Variants in PLCH1 observed in about 807,000 individuals in gnomAD.
PLCH1 encodes 1-phosphatidylinositol 4,5-bisphosphate phosphodiesterase eta-1.
Under a neutral mutation model 126.7 loss-of-function variants are expected in PLCH1, and 60 were observed. The ratio of observed to expected loss-of-function variants is 0.47; its 90% confidence interval spans 0.38 to 0.59. PLCH1 has a LOEUF of 0.59. PLCH1 is among the 20% of genes least tolerant of loss of function. The pLI is 0.00. For synonymous variants in PLCH1, 719 were observed against 734.9 expected (o/e 0.98, Z 0.35); for missense variants, 1,723 against 2,040.0 (o/e 0.84, Z 2.99).
chr3:155,633,702 A>C (rs1488208133), intron 2 of PLCH1, among the ~76,000 whole-genome samples: 5 of 152,186 alleles, frequency 3.3e-5, no homozygotes, highest in Admixed American at 1.3e-4. Flanking sequence ...GGGGCAGATC[A>C]CTTGAGGCCG....
intron 1 of PLCH1, chr3:155,743,760 G>A (rs1472612766): frequency 9.2e-6 from 3 of 326,858 alleles, no homozygotes; most frequent in Non-Finnish European, 1.2e-5. Context: ...CCAATAAACA[G>A]GACATGGGTG....
chr3:155,639,483 G>A (rs897373937), intron 2 of PLCH1, among the ~76,000 whole-genome samples: 1 of 151,988 alleles, frequency 6.6e-6, no homozygotes, highest in African/African-American at 2.4e-5. Context: ...AATAAGCAAT[G>A]TATATGGCAA....
chr3:155,489,973 A>G (rs1326062896), intron 19 of PLCH1, among the ~76,000 whole-genome samples: 1 of 152,224 alleles, frequency 6.6e-6, no homozygotes, highest in Non-Finnish European at 1.5e-5. Flanking sequence ...GAGACTAAAA[A>G]AAGAAAGAAG....
chr3:155,502,759 C>T (rs1271499039), intron 13 of PLCH1, among the ~76,000 whole-genome samples: 1 of 152,116 alleles, frequency 6.6e-6, no homozygotes, highest in Admixed American at 6.5e-5. Flanking sequence ...CGAGCTCTTC[C>T]GAGGGATCAT....
intron 2 of PLCH1, among the ~76,000 whole-genome samples, chr3:155,672,504 G>A (rs370382644): frequency 6.6e-6 from 1 of 152,078 alleles, no homozygotes; most frequent in African/African-American, 2.4e-5. Flanking sequence ...GTTACATTTG[G>A]ACTGATTATG....
At chr3:155,694,520 G>A (rs955135692) in intron 2 of PLCH1, among the ~76,000 whole-genome samples, 4 of 152,172 alleles carry the variant, frequency 2.6e-5, no homozygotes, top group African/African-American at 9.7e-5. Context: ...GAAATGCATT[G>A]ATGTTCAATT....
At position 155,624,095 on chromosome 3, in the gene PLCH1, C is replaced by T. The variant is rs148012474; in HGVS notation, c.80-27717G>A. 3.0e-3 allele frequency among the ~76,000 whole-genome samples: 456 copies of T among 152,178 alleles called. 3 individuals carry two copies. The highest frequency in any genetic ancestry group is 0.01 in the African/African-American group (426 of 41,544). ...TCCCTGGGATGCAAGGCTGGTTCAA[C>T]ATACGCAAATCAATAAATGTAATCC... On this transcript the variant is annotated intron_variant, in intron 2 of 22. Transcript: ENST00000460012.
chr3:155,605,920 C>G (rs1233784016), intron 2 of PLCH1, among the ~76,000 whole-genome samples: 14 of 152,010 alleles, frequency 9.2e-5, no homozygotes, highest in Admixed American at 8.5e-4. Context: ...AAGTCATAAC[C>G]TAAGTTAAGG....
At chr3:155,658,578 C>T (rs570084904) in intron 2 of PLCH1, 9 of 152,148 alleles carry the variant, frequency 5.9e-5, no homozygotes, top group East Asian at 5.8e-4. Context: ...TTTGCCCTGA[C>T]GAATAGAGTT....
At chr3:155,575,120 G>A (rs925998179) in intron 6 of PLCH1, among the ~76,000 whole-genome samples, 3 of 151,384 alleles carry the variant, frequency 2.0e-5, no homozygotes, top group African/African-American at 7.3e-5. Flanking sequence ...GACAGAGCAA[G>A]ACCCCATCTA....
chr3:155,679,345 C>T (rs931941389), intron 2 of PLCH1, among the ~76,000 whole-genome samples: 1 of 152,090 alleles, frequency 6.6e-6, no homozygotes, highest in Non-Finnish European at 1.5e-5. Context: ...GCTCTCTAAA[C>T]CTGTAAGCCT....
At chr3:155,519,749 A>G (rs1484955400) in intron 11 of PLCH1, among the ~76,000 whole-genome samples, 4 of 151,354 alleles carry the variant, frequency 2.6e-5, no homozygotes, top group African/African-American at 7.3e-5. Flanking sequence ...GCATTAAAAA[A>G]AAAAAGGCAA....
At chr3:155,471,139 A>T (rs1713208067) in intron 21 of PLCH1, among the ~76,000 whole-genome samples, 1 of 152,244 alleles carries the variant, frequency 6.6e-6, no homozygotes, top group Non-Finnish European at 1.5e-5. Flanking sequence ...GGCAAATTGG[A>T]TAAACAGTCA....
intron 2 of PLCH1, among the ~76,000 whole-genome samples, chr3:155,672,134 T>C (rs1879091): frequency 0.23 from 34,865 of 152,044 alleles, 4,646 homozygotes; most frequent in East Asian, 0.45. Flanking sequence ...TAAAATATGA[T>C]GAATCCTACT....
At chr3:155,456,358 T>A (rs141138995) in intron 21 of PLCH1, among the ~76,000 whole-genome samples, 1 of 150,436 alleles carries the variant, frequency 6.6e-6, no homozygotes, top group Non-Finnish European at 1.5e-5. Flanking sequence ...AAAAATCTCA[T>A]AATGGTTTAA....
chr3:155,473,715 T>A (rs1170674785), intron 21 of PLCH1, among the ~76,000 whole-genome samples: 1 of 151,716 alleles, frequency 6.6e-6, no homozygotes, highest in Non-Finnish European at 1.5e-5. Flanking sequence ...ATGGTACTGG[T>A]ACCAAAACAG....
At chr3:155,666,927 T>C (rs1299988100) in intron 2 of PLCH1, among the ~76,000 whole-genome samples, 1 of 146,926 alleles carries the variant, frequency 6.8e-6, no homozygotes, top group East Asian at 2.1e-4. Flanking sequence ...TGTGTGTGTG[T>C]GTGCATGTGT....
intron 2 of PLCH1, among the ~76,000 whole-genome samples, chr3:155,598,057 A>G (rs765189227): frequency 6.6e-6 from 1 of 152,020 alleles, no homozygotes; most frequent in Admixed American, 6.5e-5. Context: ...GGTGGCAGGC[A>G]CCTGTAATCT....
At chr3:155,707,497 T>A (rs989758085) in intron 1 of PLCH1, among the ~76,000 whole-genome samples, 1 of 152,006 alleles carries the variant, frequency 6.6e-6, no homozygotes, top group Non-Finnish European at 1.5e-5. Context: ...AAAACCAGCC[T>A]GGCCAACAAG....
Sources: allele counts gnomAD v4.1 joint callset (sites outside exome capture counted in the v4.1 genomes callset), GRCh38; gene constraint gnomAD v4.1.1; transcripts MANE v1.5; gene names NCBI Gene and HGNC (gene_info 2026-07-23, HGNC 2026-07-21).